The following HSF4 variants were observed in gnomAD, a reference collection of about 807,000 sequenced individuals.
HSF4 encodes the protein heat shock transcription factor 4.
HSF4 carries 41 observed loss-of-function variants against 52.0 expected under a neutral mutation model. That is an observed-to-expected ratio of 0.79 (90% CI 0.61 to 1.02). HSF4 has a LOEUF of 1.02. Ranked by LOEUF, HSF4 falls within the 50% of genes least tolerant of loss-of-function variation. HSF4 has a pLI of 0.00. For synonymous variants in HSF4, 285 were observed against 273.0 expected, an observed-to-expected ratio of 1.04 and a Z score of -0.43; for missense variants, 610 against 651.1, an observed-to-expected ratio of 0.94 and a Z score of 0.69.
At position 67,167,828 on chromosome 16, in the gene HSF4, C is replaced by T; in HGVS notation, c.963C>T (p.Pro321=). ...AGTGTGACTTCTGCGTGACAGCCCC[C>T]CCGCCACTGCCTGTGGCTGTGGTGC... The part of the protein sequence containing the change: ...PNECDFCVTA[P]PPLPVAVVQA... Residue 321 remains proline, a synonymous_variant, in exon 9 of 13, where the codon CCC becomes CCT. Coordinates refer to ENST00000521374, the MANE Select transcript of HSF4 (RefSeq NM_001374675.1). 6.3e-7 allele frequency: 1 copy of T among 1,596,354 alleles called. No individual in the cohort carries two copies. Among genetic ancestry groups the T allele is most frequent in the East Asian group, 2.3e-5 (1 of 44,006 alleles).
chr16:67,169,677 G>C lies in HSF4; in HGVS notation c.1371G>C (p.Ala457=). The C allele has an allele frequency of 1.2e-6, 2 of 1,612,218 alleles. No homozygotes were observed. Among genetic ancestry groups the C allele is most frequent in the Non-Finnish European group, 1.7e-6 (2 of 1,179,988 alleles). The change falls in exon 13 of 13, where the codon GCG becomes GCC. Residue 457 remains alanine, a synonymous_variant. Coordinates refer to ENST00000521374, the MANE Select transcript of HSF4 (RefSeq NM_001374675.1). The surrounding 1 kb of genome is among the most constrained non-coding windows in gnomAD (Gnocchi z 4.3). ...LGAPLLLDVQ[A]ALGGPALGLP... The stretch of plus-strand genomic sequence containing the variant: ...CCCCACTCCTGCTGGATGTCCAGGC[G>C]GCCTTGGGAGGCCCAGCCCTGGGCC...
Position 67,169,542 on chromosome 16 carries a change from T to G in HSF4, c.1325-89T>G. 6.3e-7 allele frequency: 1 copy of G among 1,598,404 alleles called. No individual in the cohort carries two copies. Among genetic ancestry groups the G allele is most frequent in the Non-Finnish European group, 8.5e-7 (1 of 1,179,300 alleles). On this transcript the variant is annotated intron_variant, in intron 12 of 12. Transcript: ENST00000521374. The surrounding 1 kb of genome is among the most constrained non-coding windows in gnomAD (Gnocchi z 4.3). ...TTAAGAATGGATGTTTTATCCTAAC[T>G]GAGCAGAAGGCAGGCGGGCAGGGCT...
intron 4 of HSF4, 82 bp from the exon 5 acceptor site, chr16:67,166,238 G>C: frequency 3.4e-6 from 5 of 1,450,868 alleles, no homozygotes; most frequent in Non-Finnish European, 4.7e-6. Context: ...TGGTCTCCTG[G>C]GTCCCCAGCC....
chr16:67,165,795 C>T lies in HSF4; in HGVS notation c.309C>T (p.His103=), dbSNP rs773086053. Residue 103 remains histidine (H), a synonymous_variant, in exon 3 of 13, where the codon CAC becomes CAT. Coordinates refer to ENST00000521374, the MANE Select transcript of HSF4 (RefSeq NM_001374675.1). The surrounding 1 kb of genome is among the most constrained non-coding windows in gnomAD (Gnocchi z 6.9). ...AGCGCGACCACGTCGAGTTCCAGCA[C>T]CCGAGCTTCGTGCGCGGCCGCGAGC... ...RPERDHVEFQ[H]PSFVRGREQL... is the part of the protein sequence containing the mutation. 2.4e-5 allele frequency: 39 copies of T among 1,609,404 alleles called. 3 individuals are homozygous for T. The South Asian group carries it at 4.1e-4, about 17-fold the overall frequency.
At chr16:67,163,779 A>G (rs780668062), upstream of HSF4, 1 of 1,569,058 alleles carries the variant, frequency 6.4e-7, no homozygotes, top group Non-Finnish European at 8.6e-7. Context: ...CCTCAAGCTC[A>G]CGCGCGAGCC....
chr16:67,163,872 A>AC (rs2031045232), upstream of HSF4: 3 of 1,338,750 alleles, frequency 2.2e-6, no homozygotes, highest in South Asian at 2.8e-5. Flanking sequence ...CTGAGAGGGA[A>AC]CGGGGGGGGT....
At position 67,167,222 on chromosome 16, in the gene HSF4, G is replaced by T. The variant is rs377304567; in HGVS notation, c.729G>T (p.Ser243=). 4 of 1,614,122 alleles carry T rather than the reference G, an allele frequency of 2.5e-6. No individual in the cohort carries two copies. The highest frequency in any genetic ancestry group is 1.7e-5 in the Admixed American group (1 of 60,024). ...TGCAGGACCCCTACTTCATCCAGTC[G>T]GTAGGTTTGTCTTCTTCCCCCTTCC... The part of the protein sequence containing the change: ...ALLQDPYFIQ[S]PLPETNLGLS... Residue 243 remains serine, a splice_region_variant and synonymous_variant, in exon 7 of 13, where the codon TCG becomes TCT. Transcript: ENST00000521374.
At chr16:67,167,631 T>C in intron 8 of HSF4, 32 bp downstream of exon 8, 1 of 1,612,412 alleles carries the variant, frequency 6.2e-7, no homozygotes, top group Non-Finnish European at 8.5e-7. Context: ...CTGAGGGGCC[T>C]GTGGGGGAGG....
Position 67,169,583 on chromosome 16 carries a change from A to G in HSF4, c.1325-48A>G, listed in dbSNP as rs753039600. On this transcript the variant is annotated intron_variant, in intron 12 of 12. Transcript: ENST00000521374. The surrounding 1 kb of genome is among the most constrained non-coding windows in gnomAD (Gnocchi z 4.3). ...GGGCAGGGCTCTCCTTCCCTGAAGA[A>G]AGGAGGGGGAACATTTCCCCTGGTG... 1 of 1,600,594 alleles carries G rather than the reference A, an allele frequency of 6.2e-7. No homozygotes were observed. The highest frequency in any genetic ancestry group is 8.5e-7 in the Non-Finnish European group (1 of 1,179,732).
Position 67,165,092 on chromosome 16 carries a change from G to T in HSF4, c.123+158G>T, listed in dbSNP as rs1158886746. ...CTTGGAGGGGGTGTGCGAGAGGGGG[G>T]TTTCCTCTGCGGCCGAAGAAGGGTT... On this transcript the variant is annotated intron_variant, in intron 1 of 12. Transcript: ENST00000521374. This position sits in a 1 kb window ranked among gnomAD's most constrained non-coding sequence, Gnocchi z 6.9. The T allele has an allele frequency of 3.7e-6, 3 of 817,474 alleles. No homozygotes were observed. Among genetic ancestry groups the T allele is most frequent in the African/African-American group, 1.7e-5 (1 of 57,458 alleles). The allele number at this position is 817,474 out of a possible 1,614,324, so 50.6% of individuals were successfully genotyped here.
intron 6 of HSF4, 140 bp from the exon 7 acceptor site, chr16:67,166,980 C>T: frequency 8.6e-7 from 1 of 1,168,378 alleles, no homozygotes; most frequent in Admixed American, 1.9e-5. Flanking sequence ...CCACCTCCAG[C>T]ATGTGACTGA....
Position 67,165,898 on chromosome 16 carries a change from C to A in HSF4, c.361-48C>A. Reference sequence around the variant, plus strand: ...AAGAGGAGGAGGGGTGCTGGGACTGCCTGCCTTGCTCCTGCGACCCAGTCC... The same window carrying A: ...AAGAGGAGGAGGGGTGCTGGGACTGACTGCCTTGCTCCTGCGACCCAGTCC... On this transcript the variant is annotated intron_variant, in intron 3 of 12. Coordinates refer to ENST00000521374, the MANE Select transcript of HSF4 (RefSeq NM_001374675.1). This position sits in a 1 kb window ranked among gnomAD's most constrained non-coding sequence, Gnocchi z 6.9. The A allele has an allele frequency of 6.3e-7, 1 of 1,594,490 alleles. No homozygotes were observed. Among genetic ancestry groups the A allele is most frequent in the Non-Finnish European group, 8.5e-7 (1 of 1,177,710 alleles).
In HSF4 at chr16:67,169,172, C is replaced by T; in HGVS notation, c.1254+71C>T. The T allele has an allele frequency of 6.2e-7, 1 of 1,606,182 alleles. No individual in the cohort carries two copies. Among genetic ancestry groups the T allele is most frequent in the African/African-American group, 1.3e-5 (1 of 74,954 alleles). On this transcript the variant is annotated intron_variant, in intron 11 of 12. Transcript: ENST00000521374. The surrounding 1 kb of genome is among the most constrained non-coding windows in gnomAD (Gnocchi z 4.3). ...AAGCCCTCTGGTCCATAGCTGTTCT[C>T]TGTGAGCCAAAGCCGTGTCTCTAGA...
rs762391784 is a variant in HSF4 at position 67,165,902 on chromosome 16, C to T, written c.361-44C>T. On this transcript the variant is annotated intron_variant, in intron 3 of 12. Transcript: ENST00000521374. This position sits in a 1 kb window ranked among gnomAD's most constrained non-coding sequence, Gnocchi z 6.9. ...GGAGGAGGGGTGCTGGGACTGCCTG[C>T]CTTGCTCCTGCGACCCAGTCCCGAC... 6.3e-7 allele frequency: 1 copy of T among 1,593,554 alleles called. No homozygotes were observed. The highest frequency in any genetic ancestry group is 8.5e-7 in the Non-Finnish European group (1 of 1,177,346).
At position 67,165,710 on chromosome 16, in the gene HSF4, A is replaced by G; in HGVS notation, c.233-9A>G. 6.2e-7 allele frequency: 1 copy of G among 1,611,796 alleles called. No individual in the cohort carries two copies. The highest frequency in any genetic ancestry group is 8.5e-7 in the Non-Finnish European group (1 of 1,179,758). On this transcript the variant is annotated splice_polypyrimidine_tract_variant and intron_variant, in intron 2 of 12. Transcript: ENST00000521374. The surrounding 1 kb of genome is among the most constrained non-coding windows in gnomAD (Gnocchi z 6.9). ...GGGGCGACCCACGCCCCCACGCCCC[A>G]CTCCCCAGACGGTTTTCGGAAGGTG...
Position 67,165,388 on chromosome 16 carries a change from C to A in HSF4, c.124-134C>A. ...TCTGGCCTGGCCTCGACCCATATCC[C>A]CGTAAGCGGCAGGCCTGGACCCAAG... On this transcript the variant is annotated intron_variant, in intron 1 of 12. Transcript: ENST00000521374. This position sits in a 1 kb window ranked among gnomAD's most constrained non-coding sequence, Gnocchi z 6.9. 1 of 836,572 alleles carries A rather than the reference C, an allele frequency of 1.2e-6. No individual in the cohort carries two copies. The highest frequency in any genetic ancestry group is 2.6e-5 in the East Asian group (1 of 39,160). The allele number at this position is 836,572 out of a possible 1,614,324, so 51.8% of individuals were successfully genotyped here. A position where few individuals can be genotyped will look rare whatever the true frequency, so the allele number is the denominator to read the frequency against.
In HSF4 at chr16:67,164,788, G is replaced by A. The variant is rs1182941476; in HGVS notation, c.-24G>A. 1 of 1,580,316 alleles carries A rather than the reference G, an allele frequency of 6.3e-7. No individual in the cohort carries two copies. Among genetic ancestry groups the A allele is most frequent in the Non-Finnish European group, 8.5e-7 (1 of 1,171,234 alleles). On this transcript the variant is annotated 5_prime_UTR_variant, in exon 1 of 13. Coordinates refer to ENST00000521374, the MANE Select transcript of HSF4 (RefSeq NM_001374675.1). ...GAGCCCGCAGCGGCCGGGCCCGAGC[G>A]CAGAGCCGGGCCGAGACTGCACCAT...
chr16:67,169,632 G>A lies in HSF4; in HGVS notation c.1326G>A (p.Gly442=). The A allele has an allele frequency of 6.2e-7, 1 of 1,607,126 alleles. No individual in the cohort carries two copies. Among genetic ancestry groups the A allele is most frequent in the Non-Finnish European group, 8.5e-7 (1 of 1,179,950 alleles). Residue 442 remains glycine (G), a splice_region_variant and synonymous_variant, in exon 13 of 13, where the codon GGG becomes GGA. Transcript: ENST00000521374. This position sits in a 1 kb window ranked among gnomAD's most constrained non-coding sequence, Gnocchi z 4.3. ...AVKGLNSPSP[G]KDPTLGAPLL... is the part of the protein sequence containing the mutation. ...TGAGCGCAGTCCCACTTCTCCTAGG[G>A]AAGGACCCCACGCTCGGGGCCCCAC...
chr16:67,168,243 G>T (rs143018962), intron 9 of HSF4, among the ~76,000 whole-genome samples: 3 of 152,098 alleles, frequency 2.0e-5, no homozygotes, highest in Non-Finnish European at 2.9e-5. Context: ...AGGCTGAGGC[G>T]GGCAGATCAC....
Sources: allele counts gnomAD v4.1 joint callset (sites outside exome capture counted in the v4.1 genomes callset), GRCh38; gene constraint gnomAD v4.1.1; non-coding constraint Gnocchi (gnomAD v3.1); transcripts MANE v1.5; gene names NCBI Gene and HGNC (gene_info 2026-07-23, HGNC 2026-07-21).